The following USO1 variants were observed in gnomAD, a reference collection of about 807,000 sequenced individuals.
The protein encoded by USO1 is USO1 vesicle transport factor.
In USO1, 57 loss-of-function variants were observed where a neutral mutation model predicts 124.5. The ratio of observed to expected loss-of-function variants is 0.46; its 90% CI spans 0.37 to 0.57. USO1 has a LOEUF of 0.57. Ranked by LOEUF, USO1 falls within the 20% of genes least tolerant of loss-of-function variation. The pLI is 0.00. For synonymous variants in USO1, 369 were observed against 362.8 expected (o/e 1.02, Z -0.19); for missense variants, 900 against 1,040.6 (o/e 0.86, Z 1.86).
chr4:75,806,240 C>T (rs528310396), intron 19 of USO1, among the ~76,000 whole-genome samples: 2 of 152,280 alleles, frequency 1.3e-5, no homozygotes, highest in South Asian at 4.1e-4. Context: ...AATCCACTGG[C>T]CTTGGCCTCC....
At chr4:75,798,969 A>G (rs1329306879) in intron 13 of USO1, among the ~76,000 whole-genome samples, 1 of 152,132 alleles carries the variant, frequency 6.6e-6, no homozygotes, top group East Asian at 1.9e-4. Context: ...TGGATATGCT[A>G]ATTTTCATTA....
intron 8 of USO1, among the ~76,000 whole-genome samples, chr4:75,782,320 C>T (rs1722242061): frequency 6.6e-6 from 1 of 152,172 alleles, no homozygotes; most frequent in African/African-American, 2.4e-5. Context: ...AGAAGACAAA[C>T]ACTACCTAAT....
rs1235199862 is a variant in USO1 at position 75,810,491 on chromosome 4, T to C, written c.2535T>C (p.Asp845=). ...TETIIATKTT[D]VEGRLSALLQ... is the part of the protein sequence containing the mutation. ...CTATAATAGCCACCAAAACTACTGA[T>C]GTAGAAGGAAGACTGTCAGCATTAT... Residue 845 remains aspartate, a synonymous_variant, in exon 22 of 24, where the codon GAT becomes GAC. Coordinates refer to ENST00000514213, the MANE Select transcript of USO1 (RefSeq NM_003715.4). 1 of 1,613,146 alleles carries C rather than the reference T, an allele frequency of 6.2e-7. No homozygotes were observed. The highest frequency in any genetic ancestry group is 2.2e-5 in the East Asian group (1 of 44,796).
chr4:75,747,723 C>T (rs1253719025), intron 1 of USO1, among the ~76,000 whole-genome samples: 1 of 149,784 alleles, frequency 6.7e-6, no homozygotes, highest in Non-Finnish European at 1.5e-5. Context: ...CATTCTCCTG[C>T]CTCAGCGTCC....
At chr4:75,732,876 T>TGAAAAAA (rs71657376) in intron 1 of USO1, among the ~76,000 whole-genome samples, 1 of 48,182 alleles carries the variant, frequency 2.1e-5, no homozygotes, top group African/African-American at 9.6e-5. Context: ...AGATTCCATC[T>TGAAAAAA]AAAAAAAAAA....
At chr4:75,757,440 CAT>C in intron 3 of USO1, 55 bp from the exon 4 acceptor site, 2 of 1,366,326 alleles carry the variant, frequency 1.5e-6, no homozygotes, top group Non-Finnish European at 1.9e-6. Context: ...TAAAAATGGT[CAT>C]AACAGTTTAT....
At chr4:75,748,213 T>TTC (rs1326867574) in intron 1 of USO1, among the ~76,000 whole-genome samples, 3 of 142,440 alleles carry the variant, frequency 2.1e-5, no homozygotes, top group East Asian at 2.0e-4. Context: ...TGGTATTTCT[T>TTC]TTTTTTTTTT....
intron 17 of USO1, among the ~76,000 whole-genome samples, chr4:75,802,976 CAGG>C (rs1466081018): frequency 2.7e-5 from 4 of 148,526 alleles, no homozygotes; most frequent in Admixed American, 6.7e-5. Context: ...CCCAGCTACT[CAGG>C]AGGATGAGGT....
intron 1 of USO1, chr4:75,729,792 G>A (rs1011167534): frequency 1.6e-5 from 3 of 182,926 alleles, no homozygotes; most frequent in African/African-American, 7.2e-5. Flanking sequence ...TACAGAATTA[G>A]AACATTGTTA....
At chr4:75,770,224 T>G in intron 4 of USO1, 1 of 329,524 alleles carries the variant, frequency 3.0e-6, no homozygotes, top group Non-Finnish European at 5.3e-6. Flanking sequence ...GATATCATAT[T>G]TAAACATTTA....
chr4:75,810,338 A>G, intron 21 of USO1, 94 bp from the exon 22 acceptor site: 3 of 1,367,506 alleles, frequency 2.2e-6, no homozygotes, highest in Non-Finnish European at 2.9e-6. Flanking sequence ...TGAAAGTAAA[A>G]TATCAAAATG....
chr4:75,736,582 C>T (rs1181827009), intron 1 of USO1, among the ~76,000 whole-genome samples: 2 of 152,096 alleles, frequency 1.3e-5, no homozygotes, highest in East Asian at 1.9e-4. Flanking sequence ...GGACTACAGG[C>T]GTGGGCCACC....
At chr4:75,803,583 G>C (rs1376534608) in intron 17 of USO1, among the ~76,000 whole-genome samples, 3 of 151,008 alleles carry the variant, frequency 2.0e-5, no homozygotes, top group Non-Finnish European at 2.9e-5. Flanking sequence ...CTTGGAGGCA[G>C]AGGTTGCAGT....
In USO1 at chr4:75,790,715, C is replaced by G; in HGVS notation, c.1158C>G (p.Leu386=). ...CATTTGTTTTGCGCTGTGCTGTTCT[C>G]TATTGTTTCCAGTGTTTCTTGTATA... is the stretch of plus-strand genomic sequence containing the variant. ...RQPFVLRCAV[L]YCFQCFLYKN... The change falls in exon 12 of 24, where the codon CTC becomes CTG. Residue 386 remains leucine (L), a synonymous_variant. Transcript: ENST00000514213. 6.2e-7 allele frequency: 1 copy of G among 1,613,668 alleles called. No homozygotes were observed. The highest frequency in any genetic ancestry group is 8.5e-7 in the Non-Finnish European group (1 of 1,179,742).
At chr4:75,729,048 G>T (rs1720550839) in intron 1 of USO1, among the ~76,000 whole-genome samples, 1 of 152,096 alleles carries the variant, frequency 6.6e-6, no homozygotes, top group Non-Finnish European at 1.5e-5. Flanking sequence ...CGCCTGCCTT[G>T]GCCTCCCAAA....
At chr4:75,738,402 A>G (rs571542104) in intron 1 of USO1, among the ~76,000 whole-genome samples, 47 of 151,994 alleles carry the variant, frequency 3.1e-4, no homozygotes, top group Admixed American at 5.2e-4. Flanking sequence ...GGTTGCAGTG[A>G]GCCGAGATCA....
chr4:75,782,524 A>G (rs1300470133), intron 8 of USO1, among the ~76,000 whole-genome samples, 156 bp from the exon 9 acceptor site: 1 of 152,234 alleles, frequency 6.6e-6, no homozygotes, highest in Non-Finnish European at 1.5e-5. Context: ...CATGCAGGTT[A>G]TGGCCTGTGG....
At position 75,812,254 on chromosome 4, in the gene USO1, A is replaced by G. The variant is rs1421561561; in HGVS notation, c.2678A>G (p.Asp893Gly). Residue 893 changes from aspartate (D) to glycine (G), a missense_variant, in exon 23 of 24, where the codon GAC becomes GGC. Physicochemically the swap from Asp to Gly is moderately conservative, Grantham distance 94 (BLOSUM62 -1). Around this residue, in one of 2 missense-constraint regions of USO1, gnomAD observed 362 missense variants for 359.0 expected, o/e 1.01. Coordinates refer to ENST00000514213, the MANE Select transcript of USO1 (RefSeq NM_003715.4). ...ATTGCCATTTTACAAACTGAGAAAG[A>G]CAAACTAGAGTTGGAAATTACAGAT... ...STIAILQTEK[D>G]KLELEITDSK... The G allele has an allele frequency of 3.7e-6, 6 of 1,609,720 alleles. No individual in the cohort carries two copies. Among genetic ancestry groups the G allele is most frequent in the African/African-American group, 2.7e-5 (2 of 74,892 alleles).
chr4:75,738,690 A>G (rs1192325037), intron 1 of USO1, among the ~76,000 whole-genome samples: 1 of 152,026 alleles, frequency 6.6e-6, no homozygotes, highest in Admixed American at 6.6e-5. Flanking sequence ...CATGTTGCCC[A>G]GGCTGTTCTT....
Sources: gnomAD v4.1 joint callset for allele counts (sites outside exome capture counted in the v4.1 genomes callset) on GRCh38, gnomAD v4.1.1 for gene constraint, gnomAD v4.1.1 regional missense constraint, MANE v1.5 for transcripts, NCBI Gene and HGNC (gene_info 2026-07-23, HGNC 2026-07-21) for gene names.